The following ATP13A2 variants were observed in gnomAD, a reference collection of about 807,000 sequenced individuals.
The protein encoded by ATP13A2 is polyamine-transporting ATPase 13A2.
ATP13A2 carries 83 observed loss-of-function variants against 138.3 expected under a neutral mutation model. That is an observed-to-expected ratio of 0.60 (90% CI 0.50 to 0.72). ATP13A2 has a LOEUF of 0.72. Among genes scored for constraint, ATP13A2 ranks in the 30% least tolerant of loss-of-function variants. The pLI, the probability that ATP13A2 is intolerant of heterozygous loss-of-function variation, is 0.00. For missense variants in ATP13A2, 1,402 were observed against 1,606.4 expected (o/e 0.87, Z 2.17); for synonymous variants, 663 against 699.0 (o/e 0.95, Z 0.81).
intron 20 of ATP13A2, 27 bp downstream of exon 20, chr1:16,991,707 A>T (rs1019157778): frequency 1.2e-5 from 19 of 1,613,748 alleles, no homozygotes; most frequent in Admixed American, 3.3e-5. Flanking sequence ...CTGCCCTGCT[A>T]GCCCGGGCCC....
chr1:16,992,414 G>A lies in ATP13A2; in HGVS notation c.1846-12C>T. 6.2e-7 allele frequency: 1 copy of A among 1,613,656 alleles called. No individual in the cohort carries two copies. The highest frequency in any genetic ancestry group is 1.1e-5 in the South Asian group (1 of 91,076). On this transcript the variant is annotated splice_polypyrimidine_tract_variant and intron_variant, in intron 17 of 28. Transcript: ENST00000326735. ...ACCGGGGGCTCCTCCTGCAGGGTTG[G>A]AGAGGCAGCTGAGGTGCTGGCTGGG...
rs76340633 is a variant in ATP13A2, at chr1:16,990,472, G to C, written c.2252-185C>G. 2.1e-3 allele frequency among the ~76,000 whole-genome samples: 318 copies of C among 152,296 alleles called. 7 individuals are homozygous for C. In the East Asian group the frequency reaches 0.035, roughly 17 times the overall value. On this transcript the variant is annotated intron_variant, in intron 20 of 28. Transcript: ENST00000326735. ...CATCTGTAGATCCAGGCATTGAAGG[G>C]TCTTAGGAGAACCTGGAGCCGTGGG...
In ATP13A2 at chr1:16,999,786, A is replaced by C. The variant is rs530295398; in HGVS notation, c.1039+225T>G. 2.0e-5 allele frequency among the ~76,000 whole-genome samples: 3 copies of C among 152,324 alleles called. No homozygotes were observed. In the South Asian group the frequency reaches 6.2e-4, roughly 32 times the overall value. On this transcript the variant is annotated intron_variant, in intron 11 of 28. Transcript: ENST00000326735. ...CGTGATGGTATGCACCTGTGGTCCCAGCTACTCAGGAGGCTGAGGCACAAG... is the reference window on the plus strand; with the variant it reads ...CGTGATGGTATGCACCTGTGGTCCCCGCTACTCAGGAGGCTGAGGCACAAG...
In ATP13A2 at chr1:17,005,746, C is replaced by T. The variant is rs763402910; in HGVS notation, c.43G>A (p.Gly15Ser). ...GTCCCTATCGTCAGGGTCCCATAAC[C>T]GGTGGGCGTGCTGCCCACGAGAGGG... ...SSPLVGSTPT[G>S]YGTLTIGTSI... Residue 15 changes from glycine to serine, a missense_variant, in exon 2 of 29, where the codon GGT (glycine) becomes AGT (serine). Coordinates refer to ENST00000326735, the MANE Select transcript of ATP13A2 (RefSeq NM_022089.4). 1.2e-5 allele frequency: 20 copies of T among 1,612,748 alleles called. No individual in the cohort carries two copies. Among genetic ancestry groups the T allele is most frequent in the East Asian group, 4.5e-5 (2 of 44,840 alleles).
At position 17,005,676 on chromosome 1, in the gene ATP13A2, C is replaced by T. The variant is rs978504937; in HGVS notation, c.105+8G>A. Reference sequence around the variant, plus strand: ...GCAGCTTTTCCCCACCCCACTCTGCCCACTTACCACGGATGAAACTGAGGA... The same window carrying T: ...GCAGCTTTTCCCCACCCCACTCTGCTCACTTACCACGGATGAAACTGAGGA... On this transcript the variant is annotated splice_region_variant and intron_variant, in intron 2 of 28. Transcript: ENST00000326735. 6.2e-7 allele frequency: 1 copy of T among 1,613,810 alleles called. No homozygotes were observed. Among genetic ancestry groups the T allele is most frequent in the South Asian group, 1.1e-5 (1 of 90,988 alleles).
chr1:16,994,013 G>T (rs567621544), intron 15 of ATP13A2, among the ~76,000 whole-genome samples, 178 bp from the exon 16 acceptor site: 1 of 152,122 alleles, frequency 6.6e-6, no homozygotes, highest in East Asian at 1.9e-4. Context: ...CTCTGCTGGG[G>T]TCCCCCTCCC....
Position 17,005,430 on chromosome 1 carries a change from G to C in ATP13A2, c.232C>G (p.Arg78Gly). Residue 78 changes from arginine to glycine, a missense_variant, in exon 3 of 29, where the codon CGG becomes GGG. Arg to Gly is a moderately radical substitution (Grantham distance 125, BLOSUM62 -2). Transcript: ENST00000326735. ...TCGGCGTGGGCCAGGTTGCAGGGCC[G>C]GAGCCGCAGCCGCACCCCCCACAGG... ...KPLWGVRLRL[R>G]PCNLAHAETL... 2 of 1,613,352 alleles carry C rather than the reference G, an allele frequency of 1.2e-6. No homozygotes were observed. Among genetic ancestry groups the C allele is most frequent in the Non-Finnish European group, 1.7e-6 (2 of 1,179,704 alleles).
intron 3 of ATP13A2, 129 bp from the exon 4 acceptor site, chr1:17,005,201 C>T (rs1483930429): frequency 2.7e-6 from 4 of 1,467,316 alleles, no homozygotes; most frequent in Non-Finnish European, 2.8e-6. Flanking sequence ...AGAAACCACC[C>T]GACCCGTCCC....
intron 22 of ATP13A2, 32 bp downstream of exon 22, chr1:16,989,855 C>CAGGGCGGCCAGGGAGCTG (rs1223861008): frequency 6.2e-7 from 1 of 1,608,384 alleles, no homozygotes; most frequent in South Asian, 1.1e-5. Context: ...AGGGGAGGCG[C>CAGGGCGGCCAGGGAGCTG]AGGGCGGCCA....
rs1557691794 is a variant in ATP13A2 at position 16,996,009 on chromosome 1, CA to C, written c.1508del (p.Leu503ArgfsTer21). On this transcript the variant is annotated frameshift_variant, in exon 15 of 29. Transcript: ENST00000326735. LOFTEE classifies it high-confidence loss of function. ...IFCIHPLRINLGGKLQLVCFD... is the reference protein window; with the variant it reads ...IFCIHPLRINXGGKLQLVCFD... ...AACACACCAGCTGCAGCTTGCCCCC[CA>C]GGTTGATGCGCAGTGGGTGGATGCA... 6.2e-7 allele frequency: 1 copy of C among 1,614,092 alleles called. No homozygotes were observed. Among genetic ancestry groups the C allele is most frequent in the African/African-American group, 1.3e-5 (1 of 75,078 alleles).
chr1:17,002,364 G>A lies in ATP13A2; in HGVS notation c.567C>T (p.Asp189=). The change falls in exon 7 of 29, where the codon GAC becomes GAT. Residue 189 remains aspartate, a synonymous_variant. Coordinates refer to ENST00000326735, the MANE Select transcript of ATP13A2 (RefSeq NM_022089.4). ...GGACGTCGTCACAAGAGCGGCCATG[G>A]TCCAGGAGGCTGGGGGTGGGTGCGA... ...QQAFYQVSLL[D]HGRSCDDVHR... 6.2e-7 allele frequency: 1 copy of A among 1,613,118 alleles called. No individual in the cohort carries two copies. Among genetic ancestry groups the A allele is most frequent in the Non-Finnish European group, 8.5e-7 (1 of 1,179,788 alleles).
At position 17,005,794 on chromosome 1, in the gene ATP13A2, A is replaced by T. The variant is rs1396135952; in HGVS notation, c.11-16T>A. On this transcript the variant is annotated splice_polypyrimidine_tract_variant and intron_variant, in intron 1 of 28. Transcript: ENST00000326735. Reference sequence around the variant, plus strand: ...GGGCTGCTGTCTGTGGACAGAAAAGAGAAAGGTCATTTGGGGAGGCACCTT... The same window carrying T: ...GGGCTGCTGTCTGTGGACAGAAAAGTGAAAGGTCATTTGGGGAGGCACCTT... 5.0e-6 allele frequency: 8 copies of T among 1,599,582 alleles called. No homozygotes were observed. The highest frequency in any genetic ancestry group is 6.8e-6 in the Non-Finnish European group (8 of 1,172,678).
chr1:17,005,622 G>A (rs1006568026), intron 2 of ATP13A2, 62 bp downstream of exon 2: 1 of 1,613,118 alleles, frequency 6.2e-7, no homozygotes, highest in Non-Finnish European at 8.5e-7. Flanking sequence ...AAGTTGGGGT[G>A]TCTGGGTGGG....
At chr1:16,998,263 G>C (rs12724029) in intron 11 of ATP13A2, among the ~76,000 whole-genome samples, 25,210 of 152,042 alleles carry the variant, frequency 0.17, 2,269 homozygotes, top group South Asian at 0.25. Flanking sequence ...GGAGTGCAGT[G>C]GTGCGATCTC....
chr1:17,000,532 T>C lies in ATP13A2; in HGVS notation c.708A>G (p.Ala236=), dbSNP rs760417765. The C allele has an allele frequency of 2.5e-6, 4 of 1,613,180 alleles. No individual in the cohort carries two copies. In the Admixed American group the frequency reaches 5.0e-5, roughly 20 times the overall value. The stretch of plus-strand genomic sequence containing the variant: ...CCTGGAACCCATAGTAGGGGTTCAG[T>C]GCCTGGGGGAGGGGCGGGAGGCAGC... ...KSYPQLLVDE[A]LNPYYGFQAF... is the part of the protein sequence containing the mutation. The change falls in exon 9 of 29, where the codon GCA becomes GCG. Residue 236 remains alanine, a splice_region_variant and synonymous_variant. Transcript: ENST00000326735.
intron 20 of ATP13A2, among the ~76,000 whole-genome samples, chr1:16,990,539 C>T (rs2076894344): frequency 6.6e-6 from 1 of 152,058 alleles, no homozygotes; most frequent in Admixed American, 6.6e-5. Context: ...TTTTTTAAGA[C>T]AAGAGTCTCT....
intron 25 of ATP13A2, among the ~76,000 whole-genome samples, chr1:16,987,711 G>C (rs2076787344): frequency 6.6e-6 from 1 of 152,210 alleles, no homozygotes; most frequent in Admixed American, 6.5e-5. Flanking sequence ...AGCAGGCCAT[G>C]CCCAGAGCAG....
chr1:16,989,969 G>C lies in ATP13A2; in HGVS notation c.2447C>G (p.Pro816Arg). 1 of 1,608,762 alleles carries C rather than the reference G, an allele frequency of 6.2e-7. No individual in the cohort carries two copies. The change falls in exon 22 of 29, where the codon CCA becomes CGA. Residue 816 changes from proline to arginine, a missense_variant. Transcript: ENST00000326735. ...GGCCAGGTGCCTGGATCGGGGGTCT[G>C]GCTCCACGGTGTAGCTTGCAGCCTG... The part of the protein sequence containing the change: ...PDQAASYTVE[P>R]DPRSRHLALS...
chr1:16,992,115 C>T lies in ATP13A2; in HGVS notation c.2020G>A (p.Ala674Thr), dbSNP rs143834546. ...GCTGTATAGCTCTGCAGCATCTGGGCGAAGTCGGTGGGCACTGCCAGGGAG... is the reference window on the plus strand; with the variant it reads ...GCTGTATAGCTCTGCAGCATCTGGGTGAAGTCGGTGGGCACTGCCAGGGAG... ...CNPETVPTDF[A>T]QMLQSYTAAG... The change falls in exon 19 of 29, where the codon GCC becomes ACC. Residue 674 changes from alanine (A) to threonine (T), a missense_variant. By Grantham distance (58) the Ala-to-Thr change is moderately conservative (BLOSUM62 0). Transcript: ENST00000326735. 95 of 1,613,286 alleles carry T rather than the reference C, an allele frequency of 5.9e-5. No homozygotes were observed. In the African/African-American group the frequency reaches 1.1e-3, roughly 19 times the overall value.
Sources: allele counts gnomAD v4.1 joint callset (sites outside exome capture counted in the v4.1 genomes callset), GRCh38; gene constraint gnomAD v4.1.1; transcripts MANE v1.5; gene names NCBI Gene and HGNC (gene_info 2026-07-23, HGNC 2026-07-21).